The following CEP164 variants were observed in gnomAD, a reference collection of about 807,000 sequenced individuals.
CEP164 encodes centrosomal protein 164, also known as centrosomal protein of 164 kDa.
Under a neutral mutation model 182.7 loss-of-function variants are expected in CEP164, and 162 were observed. The observed-to-expected ratio is 0.89, with a 90% CI of 0.78 to 1.01. CEP164 has a LOEUF of 1.01. Ranked by LOEUF, CEP164 falls within the 50% of genes least tolerant of loss-of-function variation. CEP164 has a pLI of 0.00. For missense variants in CEP164, 1,735 were observed against 1,790.4 expected (o/e 0.97, Z 0.56); for synonymous variants, 661 against 690.0 (o/e 0.96, Z 0.66).
rs2045161791 is a variant in CEP164 at position 117,394,506 on chromosome 11, G to A, written c.2760+13G>A. 4.3e-6 allele frequency: 7 copies of A among 1,612,748 alleles called. No homozygotes were observed. The highest frequency in any genetic ancestry group is 1.8e-4 in the Middle Eastern group (1 of 5,526). On this transcript the variant is annotated intron_variant, in intron 21 of 32. Transcript: ENST00000278935. This position sits in a 1 kb window ranked among gnomAD's most constrained non-coding sequence, Gnocchi z 4.0. ...GCACAGGGAGCAGGTGAGGGGCCTG[G>A]GGCAGGGTGAGCCCACTGTGACCCC...
At chr11:117,339,522 GTTTTTTTTT>G (rs61258101) in intron 3 of CEP164, among the ~76,000 whole-genome samples, 4 of 56,204 alleles carry the variant, frequency 7.1e-5, no homozygotes, top group African/African-American at 2.1e-4. Context: ...TTTGTTTTTT[GTTTTTTTTT>G]TTTTTTTTTT....
intron 14 of CEP164, chr11:117,386,117 C>G (rs1161772432): frequency 2.0e-5 from 3 of 152,304 alleles, no homozygotes; most frequent in African/African-American, 7.2e-5. Flanking sequence ...CATGCCCACA[C>G]TTTCCGCTTA....
chr11:117,397,357 GC>G (rs201183188), intron 27 of CEP164, 44 bp downstream of exon 27: 20 of 1,566,972 alleles, frequency 1.3e-5, no homozygotes, highest in East Asian at 6.9e-5. Flanking sequence ...TGTGGGGGAG[GC>G]GGGGGGAGTC....
At chr11:117,328,499 G>C (rs779095529) in intron 1 of CEP164, among the ~76,000 whole-genome samples, 12 of 152,178 alleles carry the variant, frequency 7.9e-5, no homozygotes, top group African/African-American at 1.2e-4. Context: ...GCGACTCCCT[G>C]TCCGTTCTCC....
chr11:117,407,090 C>CT lies in CEP164; in HGVS notation c.3502-834dup, dbSNP rs1432172981. 2.0e-5 allele frequency among the ~76,000 whole-genome samples: 3 copies of CT among 151,950 alleles called. No individual in the cohort carries two copies. In the East Asian group the frequency reaches 5.8e-4, roughly 29 times the overall value. On this transcript the variant is annotated intron_variant, in intron 27 of 32. Coordinates refer to ENST00000278935, the MANE Select transcript of CEP164 (RefSeq NM_014956.5). ...CCAGCATGGGTGACAGAGCGAGACTCTATTTCAAAAAAAGAGAAAAGAAAT... is the reference window on the plus strand; with the variant it reads ...CCAGCATGGGTGACAGAGCGAGACTCTTATTTCAAAAAAAGAGAAAAGAAAT...
At chr11:117,398,493 T>C (rs1455861906) in intron 27 of CEP164, among the ~76,000 whole-genome samples, 2 of 152,228 alleles carry the variant, frequency 1.3e-5, no homozygotes, top group Non-Finnish European at 2.9e-5. Flanking sequence ...TGACCCCACA[T>C]GTCCCTTCTG....
chr11:117,368,558 G>C (rs557875968), intron 8 of CEP164, among the ~76,000 whole-genome samples: 1 of 152,116 alleles, frequency 6.6e-6, no homozygotes, highest in Admixed American at 6.5e-5. Context: ...ACTTCAAGCC[G>C]GGGGGAGCCT....
rs189922534 is a variant in CEP164 at position 117,409,928 on chromosome 11, C to T, written c.4059C>T (p.Asp1353=). Residue 1353 remains aspartate, a synonymous_variant, in exon 30 of 33, where the codon GAC becomes GAT. Coordinates refer to ENST00000278935, the MANE Select transcript of CEP164 (RefSeq NM_014956.5). The surrounding 1 kb of genome is among the most constrained non-coding windows in gnomAD (Gnocchi z 4.4). ...CCTCCTCTGTGGCTCAAACGGTGGA[C>T]GACTTCCTGTTGGAGAAGTGGCGCA... is the stretch of plus-strand genomic sequence containing the variant. ...RLPSSVAQTV[D]DFLLEKWRKY... 61 of 1,614,138 alleles carry T rather than the reference C, an allele frequency of 3.8e-5. 1 individual carries two copies. The Middle Eastern group carries it at 2.1e-3, about 57-fold the overall frequency.
chr11:117,392,910 T>G lies in CEP164; in HGVS notation c.2494-94T>G, dbSNP rs373404072. Reference sequence around the variant, plus strand: ...ATGTGTTGTGTGTGTTGGGGGAGATTGGGGAAATGTGTGTAAGACCTTCAG... The same window carrying G: ...ATGTGTTGTGTGTGTTGGGGGAGATGGGGGAAATGTGTGTAAGACCTTCAG... On this transcript the variant is annotated intron_variant, in intron 19 of 32. Transcript: ENST00000278935. 49 of 1,563,972 alleles carry G rather than the reference T, an allele frequency of 3.1e-5. 1 individual carries two copies. Among genetic ancestry groups the G allele is most frequent in the East Asian group, 1.6e-4 (7 of 44,432 alleles).
chr11:117,390,595 C>T (rs2044515169), intron 15 of CEP164, among the ~76,000 whole-genome samples, 182 bp from the exon 16 acceptor site: 2 of 150,900 alleles, frequency 1.3e-5, no homozygotes, highest in South Asian at 2.1e-4. Flanking sequence ...ATGATCACAC[C>T]ACTGCATTCC....
At chr11:117,336,395 G>C in intron 2 of CEP164, 1 of 1,405,850 alleles carries the variant, frequency 7.1e-7, no homozygotes, top group Non-Finnish European at 1.0e-6. Context: ...GGTGGGTATG[G>C]AGGAAGGTGG....
At chr11:117,332,412 TA>T (rs1377292486) in intron 1 of CEP164, among the ~76,000 whole-genome samples, 2 of 151,844 alleles carry the variant, frequency 1.3e-5, no homozygotes, top group Non-Finnish European at 2.9e-5. Flanking sequence ...GCATCTCCAC[TA>T]AAAAAATACA....
At chr11:117,373,982 C>A in intron 10 of CEP164, 151 bp downstream of exon 10, 1 of 616,386 alleles carries the variant, frequency 1.6e-6, no homozygotes, top group Non-Finnish European at 2.9e-6. Context: ...TTTCTCAACC[C>A]ATTAACTAAG....
chr11:117,350,410 GC>G (rs2039481094), intron 4 of CEP164, among the ~76,000 whole-genome samples: 2 of 152,024 alleles, frequency 1.3e-5, no homozygotes, highest in African/African-American at 4.8e-5. Context: ...TCACTGTGTT[GC>G]CCAGGCTTAT....
chr11:117,405,464 G>GCCCTCCATCGGCTGCA (rs2046571317), intron 27 of CEP164, among the ~76,000 whole-genome samples: 1 of 152,080 alleles, frequency 6.6e-6, no homozygotes, highest in Admixed American at 6.6e-5. Context: ...GTTTTGGCTC[G>GCCCTCCATCGGCTGCA]CCCTCCATCG....
chr11:117,392,865 G>T (rs1012640847), intron 19 of CEP164, 139 bp from the exon 20 acceptor site: 1 of 1,364,932 alleles, frequency 7.3e-7, no homozygotes, highest in South Asian at 1.3e-5. Context: ...TGACCATGGT[G>T]TCATGGCTGT....
chr11:117,382,122 A>T (rs2043385650), intron 13 of CEP164, among the ~76,000 whole-genome samples: 1 of 152,102 alleles, frequency 6.6e-6, no homozygotes, highest in African/African-American at 2.4e-5. Context: ...ATGTGGTCTG[A>T]TTAGAGGAAC....
At chr11:117,322,909 G>C (rs1263178531), upstream of CEP164, among the ~76,000 whole-genome samples, 2 of 151,848 alleles carry the variant, frequency 1.3e-5, no homozygotes, top group Non-Finnish European at 2.9e-5. Flanking sequence ...GGGACTACAG[G>C]CTCACGCCAC....
intron 4 of CEP164, among the ~76,000 whole-genome samples, chr11:117,344,938 A>C (rs1056667834): frequency 2.6e-5 from 4 of 152,220 alleles, no homozygotes; most frequent in East Asian, 1.9e-4. Context: ...AAAAAAAAAA[A>C]CCAAAGTAAA....
Sources: allele counts gnomAD v4.1 joint callset (sites outside exome capture counted in the v4.1 genomes callset), GRCh38; gene constraint gnomAD v4.1.1; non-coding constraint Gnocchi (gnomAD v3.1); transcripts MANE v1.5; gene names NCBI Gene and HGNC (gene_info 2026-07-23, HGNC 2026-07-21).